ATP5PO: variants seen among roughly 807,000 people sequenced by gnomAD.
The protein encoded by ATP5PO is ATP synthase peripheral stalk subunit OSCP, also known as ATP synthase peripheral stalk subunit OSCP, mitochondrial.
In ATP5PO, 14 loss-of-function variants were observed where a neutral mutation model predicts 26.2. The observed-to-expected ratio is 0.53, with a 90% CI of 0.35 to 0.83. The LOEUF (loss-of-function observed/expected upper bound fraction) is 0.83, where lower values mean the gene tolerates loss of function less well. Ranked by LOEUF, ATP5PO falls within the 40% of genes least tolerant of loss-of-function variation. The pLI, the probability that ATP5PO is intolerant of heterozygous loss-of-function variation, is 0.01. For synonymous variants in ATP5PO, 106 were observed against 95.1 expected, an observed-to-expected ratio of 1.12 and a Z score of -0.67; for missense variants, 241 against 258.5, an observed-to-expected ratio of 0.93 and a Z score of 0.46.
Position 33,909,113 on chromosome 21 carries a change from C to T in ATP5PO, c.297G>A (p.Glu99=), listed in dbSNP as rs1987214078. The change falls in exon 4 of 7, where the codon GAG becomes GAA. Residue 99 remains glutamate (E), a synonymous_variant. Transcript: ENST00000290299. ...VKSLNDITAK[E]RFSPLTTNLI... ...GATTGGTAGTGAGGGGAGAGAACCT[C>T]TCTTTTGCTGTGATGTCATTTAGGC... The T allele has an allele frequency of 6.2e-6, 10 of 1,612,960 alleles. No individual in the cohort carries two copies. Among genetic ancestry groups the T allele is most frequent in the Non-Finnish European group, 8.5e-6 (10 of 1,178,970 alleles).
At chr21:33,905,218 GAGACTA>G in intron 5 of ATP5PO, among the ~76,000 whole-genome samples, 1 of 152,108 alleles carries the variant, frequency 6.6e-6, no homozygotes. Context: ...ATGATTTACT[GAGACTA>G]AAAGGTTACA....
intron 1 of ATP5PO, chr21:33,914,936 T>C (rs540119860): frequency 2.1e-4 from 33 of 157,520 alleles, no homozygotes; most frequent in Non-Finnish European, 4.2e-4. Context: ...GCCGCAGAGT[T>C]TGATCTGACA....
chr21:33,904,040 C>T lies in ATP5PO; in HGVS notation c.442-19G>A. ...CTAAAGGCTGAAAGGCAAAACCATC[C>T]TTTCAATTTAGATAAAGCAAAACAG... On this transcript the variant is annotated intron_variant, in intron 5 of 6. Transcript: ENST00000290299. The T allele has an allele frequency of 6.3e-7, 1 of 1,592,402 alleles. No homozygotes were observed. Among genetic ancestry groups the T allele is most frequent in the Non-Finnish European group, 8.6e-7 (1 of 1,166,498 alleles).
chr21:33,912,442 A>G (rs1447047593), intron 2 of ATP5PO, 43 bp from the exon 3 acceptor site: 1 of 1,399,286 alleles, frequency 7.1e-7, no homozygotes, highest in African/African-American at 1.4e-5. Flanking sequence ...AAAAAGGAAA[A>G]TCAGTTAATA....
chr21:33,912,088 A>G (rs1463136723), intron 3 of ATP5PO, among the ~76,000 whole-genome samples: 1 of 152,204 alleles, frequency 6.6e-6, no homozygotes, highest in Non-Finnish European at 1.5e-5. Context: ...TCCTAATATT[A>G]ATATCCTTAT....
At chr21:33,905,165 T>TG (rs943120928) in intron 5 of ATP5PO, among the ~76,000 whole-genome samples, 2 of 151,616 alleles carry the variant, frequency 1.3e-5, no homozygotes, top group Non-Finnish European at 2.9e-5. Context: ...TTTTTGGGGG[T>TG]GGGGGGTGCT....
At chr21:33,910,630 C>CA (rs1407991319) in intron 3 of ATP5PO, among the ~76,000 whole-genome samples, 1 of 152,186 alleles carries the variant, frequency 6.6e-6, no homozygotes, top group Non-Finnish European at 1.5e-5. Flanking sequence ...GCATAACTGA[C>CA]AAGTAGCAGA....
chr21:33,907,222 C>T, intron 5 of ATP5PO, 119 bp downstream of exon 5: 2 of 849,154 alleles, frequency 2.4e-6, no homozygotes, highest in Non-Finnish European at 1.9e-6. Flanking sequence ...AACAAACATC[C>T]CAGGTGACAA....
chr21:33,915,273 C>T, intron 1 of ATP5PO: 1 of 172,578 alleles, frequency 5.8e-6, no homozygotes, highest in Non-Finnish European at 1.2e-5. Context: ...ACTGACTGAG[C>T]AGCCAAAGAC....
At chr21:33,905,103 AAAAAATTTGGCAG>A (rs1005198566) in intron 5 of ATP5PO, among the ~76,000 whole-genome samples, 3 of 152,120 alleles carry the variant, frequency 2.0e-5, no homozygotes, top group South Asian at 2.1e-4. Context: ...TAAGAGCCTA[AAAAAATTTGGCAG>A]AAAAATTTAT....
chr21:33,908,918 G>A, intron 4 of ATP5PO, 164 bp downstream of exon 4: 1 of 703,570 alleles, frequency 1.4e-6, no homozygotes, highest in Non-Finnish European at 2.2e-6. Flanking sequence ...ATTCACTTAG[G>A]GAGCTGGTTA....
intron 2 of ATP5PO, among the ~76,000 whole-genome samples, chr21:33,913,288 C>A (rs1325275765): frequency 6.6e-6 from 1 of 152,156 alleles, no homozygotes; most frequent in African/African-American, 2.4e-5. Flanking sequence ...CTGACGTGGG[C>A]TCATTAAGGA....
At chr21:33,911,338 A>G (rs1476305040) in intron 3 of ATP5PO, among the ~76,000 whole-genome samples, 2 of 151,964 alleles carry the variant, frequency 1.3e-5, no homozygotes, top group Non-Finnish European at 2.9e-5. Flanking sequence ...TCAGTCCTCT[A>G]CTACTACTGG....
chr21:33,912,153 T>C (rs1246506082), intron 3 of ATP5PO, 136 bp downstream of exon 3: 1 of 558,238 alleles, frequency 1.8e-6, no homozygotes, highest in East Asian at 3.0e-5. Context: ...ATATTATTAC[T>C]AAAAATGTGT....
chr21:33,914,135 G>A (rs551820670), intron 2 of ATP5PO, among the ~76,000 whole-genome samples: 2 of 148,570 alleles, frequency 1.3e-5, no homozygotes, highest in South Asian at 2.2e-4. Context: ...ACTTGGGCAT[G>A]TCACTTTGTT....
At chr21:33,906,207 G>A (rs1216325512) in intron 5 of ATP5PO, among the ~76,000 whole-genome samples, 1 of 152,180 alleles carries the variant, frequency 6.6e-6, no homozygotes, top group Non-Finnish European at 1.5e-5. Flanking sequence ...AGGTTAGACT[G>A]TCCTTTAAAT....
Position 33,903,632 on chromosome 21 carries a change from G to C in ATP5PO, c.536C>G (p.Pro179Arg), listed in dbSNP as rs191960490. Reference sequence around the variant, plus strand: ...CACAATCATTCCACCCAAGATTGACGGATCAGTCTACAAAAGAAGTAAGAC... The same window carrying C: ...CACAATCATTCCACCCAAGATTGACCGATCAGTCTACAAAAGAAGTAAGAC... ...QVLKLEAKTD[P>R]SILGGMIVRI... The change falls in exon 7 of 7, where the codon CCG becomes CGG. Residue 179 changes from proline to arginine, a missense_variant. Coordinates refer to ENST00000290299, the MANE Select transcript of ATP5PO (RefSeq NM_001697.3). The C allele has an allele frequency of 7.4e-6, 12 of 1,613,894 alleles. No individual in the cohort carries two copies. Among genetic ancestry groups the C allele is most frequent in the South Asian group, 5.5e-5 (5 of 91,062 alleles).
At chr21:33,903,694 C>T (rs1555982163) in intron 6 of ATP5PO, 55 bp from the exon 7 acceptor site, 8 of 1,570,568 alleles carry the variant, frequency 5.1e-6, no homozygotes, top group East Asian at 4.5e-5. Context: ...ATGGGACACA[C>T]AAAAAAGTGT....
intron 5 of ATP5PO, chr21:33,907,057 C>T (rs1256396061): frequency 2.0e-5 from 8 of 405,728 alleles, no homozygotes; most frequent in South Asian, 1.4e-4. Flanking sequence ...ATAATTCAAA[C>T]ATATAATAGA....
Sources: gnomAD v4.1 joint callset for allele counts (sites outside exome capture counted in the v4.1 genomes callset) on GRCh38, gnomAD v4.1.1 for gene constraint, MANE v1.5 for transcripts, NCBI Gene and HGNC (gene_info 2026-07-23, HGNC 2026-07-21) for gene names.